The following KIAA1217 variants were observed in gnomAD, a reference collection of about 807,000 sequenced individuals.
KIAA1217 encodes KIAA1217.
A neutral mutation model predicts 163.9 loss-of-function variants in KIAA1217; 88 were observed. That is an observed-to-expected ratio of 0.54 (90% confidence interval 0.45 to 0.64). The LOEUF is 0.64. Among genes scored for constraint, KIAA1217 ranks in the 30% least tolerant of loss-of-function variants. The pLI is 0.00. For missense variants in KIAA1217, 2,372 were observed against 2,475.0 expected (o/e 0.96, Z 0.88); for synonymous variants, 903 against 923.1 (o/e 0.98, Z 0.39).
At chr10:23,992,401 C>G (rs566658580) in intron 1 of KIAA1217, among the ~76,000 whole-genome samples, 1 of 143,814 alleles carries the variant, frequency 7.0e-6, no homozygotes, top group South Asian at 2.2e-4. Context: ...CCTTGCCTAC[C>G]CCATTGCCAT....
intron 1 of KIAA1217, among the ~76,000 whole-genome samples, chr10:23,897,861 CA>C (rs1203368322): frequency 1.3e-5 from 2 of 151,882 alleles, no homozygotes; most frequent in Non-Finnish European, 2.9e-5. Context: ...TAGTATGTTA[CA>C]AAAAATAATT....
chr10:24,036,804 C>T (rs1008039185), intron 2 of KIAA1217, among the ~76,000 whole-genome samples: 21 of 152,274 alleles, frequency 1.4e-4, no homozygotes, highest in African/African-American at 4.1e-4. Flanking sequence ...GGATCCACCC[C>T]CATGACCCAA....
rs762209600 is a variant in KIAA1217, at chr10:24,501,389, T to C, written c.1845T>C (p.His615=). ...GCACTTTTCTCATAGGAACGCCCCA[T>C]GTGTCTGGTGGGAAGATGCTCAGTG... ...RNHTDSAGTP[H]VSGGKMLSAL... Residue 615 remains histidine (H), a synonymous_variant, in exon 9 of 21, where the codon CAT becomes CAC. Transcript: ENST00000376454. 1 of 1,609,160 alleles carries C rather than the reference T, an allele frequency of 6.2e-7. No individual in the cohort carries two copies. The highest frequency in any genetic ancestry group is 2.2e-5 in the East Asian group (1 of 44,794).
At chr10:24,459,459 A>G (rs568907988) in intron 5 of KIAA1217, among the ~76,000 whole-genome samples, 1 of 152,314 alleles carries the variant, frequency 6.6e-6, no homozygotes, top group Admixed American at 6.5e-5. Flanking sequence ...ACTAGAATGT[A>G]AGTTCTTCAG....
chr10:24,120,604 C>A (rs1286699010), intron 2 of KIAA1217, among the ~76,000 whole-genome samples: 1 of 152,186 alleles, frequency 6.6e-6, no homozygotes, highest in Non-Finnish European at 1.5e-5. Flanking sequence ...AGTTTTCCTA[C>A]CTCGCACATT....
chr10:24,455,751 C>A (rs982997125), intron 5 of KIAA1217, among the ~76,000 whole-genome samples: 1 of 152,180 alleles, frequency 6.6e-6, no homozygotes, highest in Non-Finnish European at 1.5e-5. Flanking sequence ...AATCACCCAT[C>A]TCACAGTGAT....
intron 17 of KIAA1217, among the ~76,000 whole-genome samples, chr10:24,538,732 G>GTTT (rs756717624): frequency 0.24 from 21,165 of 87,582 alleles, 5,613 homozygotes; most frequent in Non-Finnish European, 0.31. Flanking sequence ...ATTGTTTTTG[G>GTTT]TTTTTTTTTT....
chr10:24,275,886 G>A, intron 2 of KIAA1217: 1 of 437,296 alleles, frequency 2.3e-6, no homozygotes, highest in Non-Finnish European at 4.6e-6. Flanking sequence ...CTGGCCATCA[G>A]TTCTCCCTTC....
intron 2 of KIAA1217, among the ~76,000 whole-genome samples, chr10:24,189,504 C>T (rs913461490): frequency 6.6e-6 from 1 of 152,130 alleles, no homozygotes; most frequent in African/African-American, 2.4e-5. Context: ...CACTTTTACC[C>T]ATGCAGAGGA....
At chr10:24,110,680 C>T (rs897707874) in intron 2 of KIAA1217, among the ~76,000 whole-genome samples, 3 of 151,336 alleles carry the variant, frequency 2.0e-5, no homozygotes, top group Non-Finnish European at 4.4e-5. Context: ...CTTTGTTGAA[C>T]AGCCCTGTGA....
chr10:24,332,471 A>T (rs2045808471), intron 2 of KIAA1217, among the ~76,000 whole-genome samples: 1 of 152,104 alleles, frequency 6.6e-6, no homozygotes, highest in South Asian at 2.1e-4. Flanking sequence ...TGTCATCACA[A>T]CATCAATTTG....
chr10:23,876,456 C>T (rs143892321), intron 1 of KIAA1217, among the ~76,000 whole-genome samples: 111 of 151,462 alleles, frequency 7.3e-4, no homozygotes, highest in Non-Finnish European at 1.1e-3. Flanking sequence ...TGTAACAAAG[C>T]GGCACATGTA....
chr10:23,735,005 T>C (rs1384254688), intron 1 of KIAA1217, among the ~76,000 whole-genome samples: 1 of 152,128 alleles, frequency 6.6e-6, no homozygotes, highest in Non-Finnish European at 1.5e-5. Flanking sequence ...TTTTCCCCTC[T>C]AAAGAAAATA....
chr10:24,484,866 G>C (rs11598496), intron 6 of KIAA1217, among the ~76,000 whole-genome samples: 1 of 152,006 alleles, frequency 6.6e-6, no homozygotes, highest in Non-Finnish European at 1.5e-5. Flanking sequence ...ATCTGAGGGG[G>C]GTTGTGTCCT....
At chr10:24,197,269 C>T (rs2067033811) in intron 2 of KIAA1217, among the ~76,000 whole-genome samples, 1 of 152,172 alleles carries the variant, frequency 6.6e-6, no homozygotes, top group Non-Finnish European at 1.5e-5. Flanking sequence ...ATTCGGCACC[C>T]AGTAATCAAT....
At position 24,337,298 on chromosome 10, in the gene KIAA1217, G is replaced by A. The variant is rs544781340; in HGVS notation, c.355-43571G>A. 2.6e-5 allele frequency among the ~76,000 whole-genome samples: 4 copies of A among 152,306 alleles called. No individual in the cohort carries two copies. In the South Asian group the frequency reaches 8.3e-4, roughly 32 times the overall value. On this transcript the variant is annotated intron_variant, in intron 2 of 20. Coordinates refer to ENST00000376454, the MANE Select transcript of KIAA1217 (RefSeq NM_019590.5). ...CCAAAGATGTACAAATGTCCATTAA[G>A]CACATGAAAAGATGGTTAATATCAC... is the stretch of plus-strand genomic sequence containing the variant.
intron 2 of KIAA1217, among the ~76,000 whole-genome samples, chr10:24,365,144 G>T (rs942497095): frequency 2.2e-4 from 34 of 152,086 alleles, no homozygotes; most frequent in Non-Finnish European, 4.6e-4. Context: ...TTTGTCTAAA[G>T]CAATGGCTGT....
At chr10:24,044,571 A>C (rs1848855620) in intron 2 of KIAA1217, among the ~76,000 whole-genome samples, 1 of 150,232 alleles carries the variant, frequency 6.7e-6, no homozygotes, top group Non-Finnish European at 1.5e-5. Context: ...CCTTCCTTTC[A>C]CCTCTTTTCC....
At chr10:23,845,375 T>A (rs1007074330) in intron 1 of KIAA1217, among the ~76,000 whole-genome samples, 11 of 152,320 alleles carry the variant, frequency 7.2e-5, no homozygotes, top group African/African-American at 2.2e-4. Context: ...CATTCCTATT[T>A]CTCCACATCC....
Sources: gnomAD v4.1 joint callset for allele counts (sites outside exome capture counted in the v4.1 genomes callset) on GRCh38, gnomAD v4.1.1 for gene constraint, MANE v1.5 for transcripts, NCBI Gene and HGNC (gene_info 2026-07-23, HGNC 2026-07-21) for gene names.